The following BTD variants were observed in gnomAD, a reference collection of about 807,000 sequenced individuals.
The protein encoded by BTD is biotinidase, also known as biocytinase.
A neutral mutation model predicts 17.7 loss-of-function variants in BTD; 13 were observed. The ratio of observed to expected loss-of-function variants is 0.74; its 90% CI spans 0.48 to 1.17. The LOEUF (loss-of-function observed/expected upper bound fraction) is 1.17, where lower values mean the gene tolerates loss of function less well. Ranked by LOEUF, BTD falls within the 50% of genes most tolerant of loss-of-function variation. BTD has a pLI of 0.00. For missense variants in BTD, 674 were observed against 650.4 expected, an observed-to-expected ratio of 1.04 and a Z score of -0.39; for synonymous variants, 240 against 245.2, an observed-to-expected ratio of 0.98 and a Z score of 0.20.
rs2064251243 is a variant in BTD, at chr3:15,601,789, A to G, written c.-122A>G. The G allele has an allele frequency of 1.9e-6, 3 of 1,613,554 alleles. No homozygotes were observed. Among genetic ancestry groups the G allele is most frequent in the African/African-American group, 2.7e-5 (2 of 74,938 alleles). Reference sequence around the variant, plus strand: ...AAAGCAGGTAAGAAGCCGAACTCTGAGGCCTCTCGCCATTGTCTCCGAGTC... The same window carrying G: ...AAAGCAGGTAAGAAGCCGAACTCTGGGGCCTCTCGCCATTGTCTCCGAGTC... On this transcript the variant is annotated 5_prime_UTR_variant, in exon 1 of 4. Transcript: ENST00000643237.
rs927817300 is a variant in BTD, at chr3:15,648,789, C to T, written c.*3301C>T. 6.6e-6 allele frequency among the ~76,000 whole-genome samples: 1 copy of T among 152,176 alleles called. No homozygotes were observed. Among genetic ancestry groups the T allele is most frequent in the Non-Finnish European group, 1.5e-5 (1 of 68,030 alleles). ...TTAAAATGAGATCACACTAGAGTAA[C>T]TGGGCCCTTAATCCAATATGACATG... is the stretch of plus-strand genomic sequence containing the variant. On this transcript the variant is annotated 3_prime_UTR_variant, in exon 4 of 4. Coordinates refer to ENST00000643237, the MANE Select transcript of BTD (RefSeq NM_001370658.1).
rs3796305 is a variant in BTD at position 15,647,140 on chromosome 3, C to T, written c.*1652C>T. ...GTTCCCCACGCCCTAGGAAGTCCCT[C>T]TGGAAGGGGAGCAGGACCTCTCCCA... On this transcript the variant is annotated 3_prime_UTR_variant, in exon 4 of 4. Transcript: ENST00000643237. The T allele has an allele frequency of 0.02, 3,104 of 152,368 alleles. 221 individuals carry two copies. The highest frequency in any genetic ancestry group is 0.12 in the Admixed American group (1,816 of 15,302). 9.4% of individuals were successfully genotyped at this position (152,368 alleles called of 1,614,324 possible). A position where few individuals can be genotyped will look rare whatever the true frequency, so the allele number is the denominator to read the frequency against.
At chr3:15,685,265 T>G in intron 3 of BTD, 2 of 1,614,056 alleles carry the variant, frequency 1.2e-6, no homozygotes, top group South Asian at 2.2e-5. Flanking sequence ...TATCCATGAT[T>G]GTCTGCTGTG....
At chr3:15,695,987 G>T in intron 3 of BTD, 1 of 633,198 alleles carries the variant, frequency 1.6e-6, no homozygotes, top group South Asian at 1.8e-5. Context: ...TCTTACTAAA[G>T]CAAGTGTGAA....
intron 1 of BTD, among the ~76,000 whole-genome samples, chr3:15,628,048 A>G (rs1044553046): frequency 9.2e-5 from 14 of 152,200 alleles, no homozygotes; most frequent in African/African-American, 3.4e-4. Context: ...TGATTTGGGG[A>G]ACAGGGTTCC....
downstream of BTD, chr3:15,713,751 C>T (rs542961485): frequency 5.0e-5 from 28 of 561,532 alleles, no homozygotes; most frequent in East Asian, 8.8e-4. Flanking sequence ...ATAGATACAG[C>T]AATTTTAACT....
chr3:15,716,103 C>G (rs2072989996), downstream of BTD, among the ~76,000 whole-genome samples: 1 of 151,498 alleles, frequency 6.6e-6, no homozygotes, highest in Admixed American at 6.6e-5. Flanking sequence ...CTGCCTCAGC[C>G]TCCTGAGTAG....
At chr3:15,607,930 A>G (rs986195479) in intron 1 of BTD, among the ~76,000 whole-genome samples, 3 of 152,228 alleles carry the variant, frequency 2.0e-5, no homozygotes, top group South Asian at 2.1e-4. Context: ...GGTTAAATTG[A>G]TTTTCTTTGC....
chr3:15,612,350 G>T (rs949241542), intron 1 of BTD, among the ~76,000 whole-genome samples: 7 of 151,944 alleles, frequency 4.6e-5, no homozygotes, highest in East Asian at 1.9e-4. Flanking sequence ...CTATTATCTG[G>T]TTTTTTTCTT....
chr3:15,671,032 G>C (rs971031132), intron 3 of BTD, among the ~76,000 whole-genome samples: 1 of 152,210 alleles, frequency 6.6e-6, no homozygotes, highest in Non-Finnish European at 1.5e-5. Context: ...ACAGCTTCAT[G>C]AATCAGCCAC....
chr3:15,687,537 T>G (rs2068276354), intron 3 of BTD, among the ~76,000 whole-genome samples: 1 of 152,146 alleles, frequency 6.6e-6, no homozygotes, highest in East Asian at 1.9e-4. Context: ...TAGAAAAAAA[T>G]GTATCTTGCA....
intron 3 of BTD, among the ~76,000 whole-genome samples, chr3:15,665,062 A>G (rs574132426): frequency 6.6e-6 from 1 of 152,212 alleles, no homozygotes; most frequent in African/African-American, 2.4e-5. Context: ...TAATTAAGCT[A>G]GTAGACAGGT....
chr3:15,620,933 G>A (rs557900290), intron 1 of BTD, among the ~76,000 whole-genome samples: 1 of 152,380 alleles, frequency 6.6e-6, no homozygotes, highest in East Asian at 1.9e-4. Context: ...ACCCTGGAAT[G>A]TCAATGGCAT....
intron 3 of BTD, among the ~76,000 whole-genome samples, chr3:15,672,529 G>A (rs1352409059): frequency 6.6e-6 from 1 of 152,232 alleles, no homozygotes; most frequent in East Asian, 1.9e-4. Context: ...TTTGGCAGCA[G>A]TGGCTGAAGG....
At chr3:15,690,951 C>T (rs139625753) in intron 3 of BTD, among the ~76,000 whole-genome samples, 1 of 152,182 alleles carries the variant, frequency 6.6e-6, no homozygotes, top group East Asian at 1.9e-4. Context: ...CTTGAATATT[C>T]GGATTTCTCA....
chr3:15,620,327 C>G (rs2064913109), intron 1 of BTD, among the ~76,000 whole-genome samples: 1 of 152,098 alleles, frequency 6.6e-6, no homozygotes, highest in South Asian at 2.1e-4. Context: ...AGACCTCCCC[C>G]CAGGAGCGCA....
chr3:15,715,037 C>T (rs1381108050), downstream of BTD, among the ~76,000 whole-genome samples: 2 of 151,948 alleles, frequency 1.3e-5, no homozygotes, highest in Non-Finnish European at 2.9e-5. Context: ...TGTGTGGATA[C>T]ATTTAAAAAA....
rs541382949 is a variant in BTD, at chr3:15,639,053, G to C, written c.250-2855G>C. 2.6e-5 allele frequency among the ~76,000 whole-genome samples: 4 copies of C among 152,218 alleles called. No homozygotes were observed. The East Asian group carries it at 5.8e-4, about 22-fold the overall frequency. On this transcript the variant is annotated intron_variant, in intron 2 of 3. Transcript: ENST00000643237. The stretch of plus-strand genomic sequence containing the variant: ...GTCTAGTTTCAAGATGATTAGGCTG[G>C]GCAGTCACTTGGGATTGTAACCTTC...
At position 15,648,989 on chromosome 3, in the gene BTD, A is replaced by G; in HGVS notation, c.*3501A>G. On this transcript the variant is annotated 3_prime_UTR_variant, in exon 4 of 4. Coordinates refer to ENST00000643237, the MANE Select transcript of BTD (RefSeq NM_001370658.1). The stretch of plus-strand genomic sequence containing the variant: ...CTCCCCACACACAACCCACCCCTGC[A>G]GGTTTCAGAAGAAGCATGGCTCTGC... Among the ~76,000 whole-genome samples, 1 of 152,214 alleles carries G rather than the reference A, an allele frequency of 6.6e-6. No homozygotes were observed. The highest frequency in any genetic ancestry group is 1.9e-4 in the East Asian group (1 of 5,206).
Sources: allele counts gnomAD v4.1 joint callset (sites outside exome capture counted in the v4.1 genomes callset), GRCh38; gene constraint gnomAD v4.1.1; transcripts MANE v1.5; gene names NCBI Gene and HGNC (gene_info 2026-07-23, HGNC 2026-07-21).